Variants in FYB2 observed in about 807,000 individuals in gnomAD.
FYB2 encodes FYN-binding protein 2.
FYB2 carries 103 observed loss-of-function variants against 94.1 expected under a neutral mutation model. The observed-to-expected ratio is 1.09, with a 90% CI of 0.93 to 1.29. The LOEUF (loss-of-function observed/expected upper bound fraction) is 1.29. Ranked by LOEUF, FYB2 falls within the 50% of genes most tolerant of loss-of-function variation. The probability of loss-of-function intolerance (pLI) is 0.00; values close to 1 mark genes in which losing one functional copy is unlikely to be tolerated. For synonymous variants in FYB2, 293 were observed against 287.9 expected (o/e 1.02, Z -0.18); for missense variants, 896 against 841.5 (o/e 1.06, Z -0.80).
chr1:56,808,483 A>G (rs756889654), intron 1 of FYB2, among the ~76,000 whole-genome samples: 1 of 152,218 alleles, frequency 6.6e-6, no homozygotes, highest in Admixed American at 6.5e-5. Context: ...CTTTACTCCA[A>G]GAACTTACAA....
intron 5 of FYB2, 86 bp from the exon 6 acceptor site, chr1:56,758,836 TC>T: frequency 9.4e-7 from 1 of 1,061,170 alleles, no homozygotes; most frequent in South Asian, 1.7e-5. Flanking sequence ...TATAAAAGAT[TC>T]CAGAATTCAG....
intron 11 of FYB2, among the ~76,000 whole-genome samples, chr1:56,742,957 A>G (rs893144951): frequency 6.6e-6 from 1 of 152,050 alleles, no homozygotes; most frequent in Non-Finnish European, 1.5e-5. Flanking sequence ...AAATTGACAA[A>G]TAATAATTAT....
intron 4 of FYB2, among the ~76,000 whole-genome samples, chr1:56,780,712 AGGT>A (rs1037553706): frequency 3.9e-5 from 6 of 152,210 alleles, no homozygotes; most frequent in African/African-American, 1.2e-4. Context: ...TAGAAGTTAT[AGGT>A]GAGATTTTTT....
At chr1:56,741,635 A>T (rs1644955862) in intron 12 of FYB2, among the ~76,000 whole-genome samples, 1 of 151,982 alleles carries the variant, frequency 6.6e-6, no homozygotes, top group Admixed American at 6.6e-5. Context: ...TCTTTTCCAC[A>T]ACATGTCCTT....
chr1:56,819,695 A>G, upstream of FYB2: 1 of 328,194 alleles, frequency 3.0e-6, no homozygotes, highest in Non-Finnish European at 5.8e-6. Flanking sequence ...TCCTGTTAGT[A>G]CAGACCATGC....
chr1:56,822,830 C>G (rs1230989993), upstream of FYB2, among the ~76,000 whole-genome samples: 1 of 151,460 alleles, frequency 6.6e-6, no homozygotes, highest in Non-Finnish European at 1.5e-5. Flanking sequence ...AAACTTTGAG[C>G]ACTGTATGTT....
Position 56,723,568 on chromosome 1 carries a change from A to G in FYB2, c.1974+20T>C. 2 of 1,405,932 alleles carry G rather than the reference A, an allele frequency of 1.4e-6. No homozygotes were observed. Among genetic ancestry groups the G allele is most frequent in the Non-Finnish European group, 2.0e-6 (2 of 1,025,268 alleles). The allele number at this position is 1,405,932 out of a possible 1,614,324, so 87.1% of individuals were successfully genotyped here. A position where few individuals can be genotyped will look rare whatever the true frequency, so the allele number is the denominator to read the frequency against. On this transcript the variant is annotated intron_variant, in intron 17 of 19. Transcript: ENST00000343433. ...CTAGCTGTTAATATTGCTAATTTTTACCTTCAGAAGAGAACGTACCTTAAA... is the reference window on the plus strand; with the variant it reads ...CTAGCTGTTAATATTGCTAATTTTTGCCTTCAGAAGAGAACGTACCTTAAA...
Position 56,742,213 on chromosome 1 carries a change from T to G in FYB2, c.1552A>C (p.Arg518=). The G allele has an allele frequency of 1.3e-6, 2 of 1,593,968 alleles. No homozygotes were observed. The highest frequency in any genetic ancestry group is 1.7e-6 in the Non-Finnish European group (2 of 1,164,222). ...SSLASSSEEN[R]ELYEDVYKTK... is the part of the protein sequence containing the mutation. ...TTGTAGACATCTTCATACAGTTCTC[T>G]ATTTTCTTCTGAAATTAGAAGAAAA... Residue 518 remains arginine, a synonymous_variant, in exon 12 of 20, where the codon AGA becomes CGA. Coordinates refer to ENST00000343433, the MANE Select transcript of FYB2 (RefSeq NM_001004303.5).
chr1:56,793,596 G>T (rs1646324960), intron 1 of FYB2, among the ~76,000 whole-genome samples: 1 of 152,022 alleles, frequency 6.6e-6, no homozygotes, highest in African/African-American at 2.4e-5. Context: ...GAACGAAGGG[G>T]CATAAAGTTT....
intron 6 of FYB2, among the ~76,000 whole-genome samples, chr1:56,756,452 G>A (rs1645333588): frequency 2.6e-5 from 4 of 151,964 alleles, no homozygotes; most frequent in Admixed American, 2.0e-4. Context: ...TTATAGATCT[G>A]GTGACATTCA....
intron 1 of FYB2, among the ~76,000 whole-genome samples, chr1:56,801,551 C>T (rs1646519846): frequency 6.6e-6 from 1 of 152,160 alleles, no homozygotes; most frequent in East Asian, 1.9e-4. Context: ...CTACTTTAGA[C>T]ACTAATTTCC....
chr1:56,774,427 A>G (rs1169203017), intron 4 of FYB2, among the ~76,000 whole-genome samples: 1 of 151,944 alleles, frequency 6.6e-6, no homozygotes, highest in Admixed American at 6.6e-5. Flanking sequence ...CTTTTGTACT[A>G]TTTTCCCTTT....
chr1:56,734,300 G>A (rs1102186), intron 15 of FYB2, among the ~76,000 whole-genome samples: 22,350 of 151,894 alleles, frequency 0.15, 2,370 homozygotes, highest in African/African-American at 0.29. Context: ...TTGATCCTAT[G>A]TGTGTCTTTG....
chr1:56,755,258 AG>A (rs1321292122), intron 7 of FYB2, among the ~76,000 whole-genome samples: 1 of 152,088 alleles, frequency 6.6e-6, no homozygotes, highest in Non-Finnish European at 1.5e-5. Flanking sequence ...GAAGGGGAGT[AG>A]GGAGGGGAGG....
At chr1:56,758,794 C>T (rs1645419779) in intron 5 of FYB2, 44 bp from the exon 6 acceptor site, 1 of 1,464,318 alleles carries the variant, frequency 6.8e-7, no homozygotes, top group African/African-American at 1.4e-5. Context: ...GCTGATCCAC[C>T]CATTTCTTAT....
In FYB2 at chr1:56,789,143, A is replaced by C; in HGVS notation, c.758-9T>G. ...GACATCTGGCTGTTTTTCTGAACACAAGACAGTAAAAAATGTAAGTTATGA... is the reference window on the plus strand; with the variant it reads ...GACATCTGGCTGTTTTTCTGAACACCAGACAGTAAAAAATGTAAGTTATGA... On this transcript the variant is annotated splice_polypyrimidine_tract_variant and intron_variant, in intron 2 of 19. Transcript: ENST00000343433. 6.5e-7 allele frequency: 1 copy of C among 1,546,700 alleles called. No homozygotes were observed. The highest frequency in any genetic ancestry group is 8.7e-7 in the Non-Finnish European group (1 of 1,151,292).
Position 56,744,202 on chromosome 1 carries a change from A to T in FYB2, c.1452T>A (p.Ser484Arg), listed in dbSNP as rs931774415. ...ETPDLGVSKT[S>R]SISEEIYDDV... Reference sequence around the variant, plus strand: ...CATCATATATCTCCTCCGAGATGGAACTTGTCTTAGAGACCCCTAGGTCTG... The same window carrying T: ...CATCATATATCTCCTCCGAGATGGATCTTGTCTTAGAGACCCCTAGGTCTG... The change falls in exon 10 of 20, where the codon AGT becomes AGA. Residue 484 changes from serine to arginine, a missense_variant. By Grantham distance (110) the Ser-to-Arg change is moderately radical (BLOSUM62 -1). Transcript: ENST00000343433. The T allele has an allele frequency of 6.2e-7, 1 of 1,612,762 alleles. No homozygotes were observed. The highest frequency in any genetic ancestry group is 1.7e-5 in the Admixed American group (1 of 59,792).
intron 1 of FYB2, among the ~76,000 whole-genome samples, chr1:56,795,843 C>G (rs974563848): frequency 1.1e-4 from 16 of 152,120 alleles, no homozygotes; most frequent in African/African-American, 3.9e-4. Flanking sequence ...ATTTGATAAC[C>G]TCCAAACCAA....
At chr1:56,756,194 C>T (rs1645326160) in intron 6 of FYB2, among the ~76,000 whole-genome samples, 1 of 152,098 alleles carries the variant, frequency 6.6e-6, no homozygotes, top group Non-Finnish European at 1.5e-5. Context: ...TGTATGCACA[C>T]CTTTCCCAAA....
Sources: allele counts gnomAD v4.1 joint callset (sites outside exome capture counted in the v4.1 genomes callset), GRCh38; gene constraint gnomAD v4.1.1; transcripts MANE v1.5; gene names NCBI Gene and HGNC (gene_info 2026-07-23, HGNC 2026-07-21).